Variants in GNG7 observed in about 807,000 individuals in gnomAD.
GNG7 encodes the protein G protein subunit gamma 7.
In GNG7, 1 loss-of-function variant was observed where a neutral mutation model predicts 4.0. The ratio of observed to expected loss-of-function variants is 0.25; its 90% CI spans 0.09 to 1.18. The LOEUF (loss-of-function observed/expected upper bound fraction) is 1.18, where lower values mean the gene tolerates loss of function less well. GNG7 is among the 50% of genes most tolerant of loss of function. The pLI is 0.50. For missense variants in GNG7, 86 were observed against 91.9 expected, an observed-to-expected ratio of 0.94 and a Z score of 0.26; for synonymous variants, 34 against 36.9, an observed-to-expected ratio of 0.92 and a Z score of 0.29.
At chr19:2,539,208 TTC>T (rs1302921435) in intron 3 of GNG7, among the ~76,000 whole-genome samples, 20 of 152,210 alleles carry the variant, frequency 1.3e-4, no homozygotes, top group Admixed American at 2.6e-4. Flanking sequence ...GCAGATTATC[TTC>T]TGTTTTTTCC....
intron 2 of GNG7, chr19:2,642,188 G>C (rs1310439864): frequency 1.2e-5 from 2 of 161,220 alleles, no homozygotes; most frequent in African/African-American, 4.8e-5. Flanking sequence ...CCCCACCATG[G>C]GACACGTGTT....
At position 2,646,216 on chromosome 19, in the gene GNG7, G is replaced by A. The variant is rs1205519859; in HGVS notation, c.-78+8C>T. 1 of 152,166 alleles carries A rather than the reference G, an allele frequency of 6.6e-6. No individual in the cohort carries two copies. The highest frequency in any genetic ancestry group is 2.4e-5 in the African/African-American group (1 of 41,424). 9.4% of individuals were successfully genotyped at this position (152,166 alleles called of 1,614,324 possible). A position where few individuals can be genotyped will look rare whatever the true frequency, so the allele number is the denominator to read the frequency against. On this transcript the variant is annotated splice_region_variant and intron_variant, in intron 2 of 4. Transcript: ENST00000382159. The stretch of plus-strand genomic sequence containing the variant: ...AATCATAACAAAGAAATGCATTACA[G>A]CACCGACCTGTGCAGGAGGTCTCGC...
intron 3 of GNG7, among the ~76,000 whole-genome samples, chr19:2,527,885 G>A (rs1010269922): frequency 6.6e-6 from 1 of 152,074 alleles, no homozygotes; most frequent in African/African-American, 2.4e-5. Context: ...CCCTTATCAG[G>A]AGAAATCCTG....
chr19:2,632,040 T>C (rs556862281), intron 2 of GNG7: 10 of 152,390 alleles, frequency 6.6e-5, no homozygotes, highest in African/African-American at 2.2e-4. Flanking sequence ...GACGGCCTGT[T>C]CTGCGGGGAC....
chr19:2,594,413 A>G (rs201163710), intron 2 of GNG7, among the ~76,000 whole-genome samples: 53 of 39,612 alleles, frequency 1.3e-3, no homozygotes, highest in Non-Finnish European at 4.4e-3. Flanking sequence ...GAGGGAAGGA[A>G]GGAAGGAAGG....
In GNG7 at chr19:2,633,378, G is replaced by A. The variant is rs1041027613; in HGVS notation, c.-78+12846C>T. 2.6e-5 allele frequency among the ~76,000 whole-genome samples: 4 copies of A among 152,230 alleles called. No homozygotes were observed. Among genetic ancestry groups the A allele is most frequent in the South Asian group, 2.1e-4 (1 of 4,820 alleles). On this transcript the variant is annotated intron_variant, in intron 2 of 4. Coordinates refer to ENST00000382159, the MANE Select transcript of GNG7 (RefSeq NM_052847.3). This position sits in a 1 kb window ranked among gnomAD's most constrained non-coding sequence, Gnocchi z 5.9. ...GCCGTGTGTATTTTGAGTCAAAGGC[G>A]GCCAAGGCTCGATGAATCTGCCGAT... is the stretch of plus-strand genomic sequence containing the variant.
At chr19:2,682,435 C>T (rs934829692) in intron 1 of GNG7, among the ~76,000 whole-genome samples, 1 of 151,382 alleles carries the variant, frequency 6.6e-6, no homozygotes, top group Non-Finnish European at 1.5e-5. Flanking sequence ...GAGGCCAAGG[C>T]GGGCGGATCA....
intron 2 of GNG7, among the ~76,000 whole-genome samples, chr19:2,571,314 T>A (rs1301796830): frequency 6.6e-6 from 1 of 152,180 alleles, no homozygotes; most frequent in Non-Finnish European, 1.5e-5. Context: ...AGGTGCTACC[T>A]GCTGATGCGA....
At chr19:2,683,917 G>A (rs995963962) in intron 1 of GNG7, among the ~76,000 whole-genome samples, 1 of 152,182 alleles carries the variant, frequency 6.6e-6, no homozygotes, top group African/African-American at 2.4e-5. Context: ...ATCGGCCAGA[G>A]GAGCTCAAAT....
chr19:2,598,178 G>A (rs1177769968), intron 2 of GNG7, among the ~76,000 whole-genome samples: 1 of 152,098 alleles, frequency 6.6e-6, no homozygotes, highest in Non-Finnish European at 1.5e-5. Flanking sequence ...CTCTACTACA[G>A]AGGAGGAAGC....
rs1401920188 is a variant in GNG7 at position 2,523,053 on chromosome 19, G to A, written c.-37-2328C>T. ...GGCTAATCTTTGTATTTTTGGTAGAGACATGGTTTTACCATGTTGGCCAGG... is the reference window on the plus strand; with the variant it reads ...GGCTAATCTTTGTATTTTTGGTAGAAACATGGTTTTACCATGTTGGCCAGG... On this transcript the variant is annotated intron_variant, in intron 3 of 4. Coordinates refer to ENST00000382159, the MANE Select transcript of GNG7 (RefSeq NM_052847.3). Among the ~76,000 whole-genome samples, 5 of 151,560 alleles carry A rather than the reference G, an allele frequency of 3.3e-5. No individual in the cohort carries two copies. In the East Asian group the frequency reaches 1.0e-3, roughly 31 times the overall value.
chr19:2,519,344 C>CG (rs1568229529), intron 4 of GNG7, among the ~76,000 whole-genome samples: 2 of 150,636 alleles, frequency 1.3e-5, no homozygotes, highest in African/African-American at 4.9e-5. Context: ...TTAGGAGAGA[C>CG]GGGGTTTCAC....
intron 2 of GNG7, among the ~76,000 whole-genome samples, chr19:2,619,146 G>GTC (rs1364634408): frequency 6.6e-6 from 1 of 152,170 alleles, no homozygotes. Flanking sequence ...ACAAATATCC[G>GTC]TAAGTAGAAG....
intron 2 of GNG7, among the ~76,000 whole-genome samples, chr19:2,607,273 T>G (rs998877763): frequency 6.8e-5 from 10 of 146,372 alleles, no homozygotes; most frequent in African/African-American, 2.5e-4. Context: ...ATCCCAGCAC[T>G]TTGGGAGGTC....
intron 4 of GNG7, 32 bp from the exon 5 acceptor site, chr19:2,515,179 G>A (rs1458596910): frequency 3.7e-6 from 6 of 1,611,506 alleles, no homozygotes; most frequent in Non-Finnish European, 5.1e-6. Context: ...AGACAGAGGA[G>A]ACATAAGAAG....
At chr19:2,679,586 A>T (rs1983679361) in intron 1 of GNG7, among the ~76,000 whole-genome samples, 1 of 152,144 alleles carries the variant, frequency 6.6e-6, no homozygotes, top group South Asian at 2.1e-4. Flanking sequence ...TAGGCATTCT[A>T]AATCCAATGC....
chr19:2,598,111 C>G (rs1981080541), intron 2 of GNG7, among the ~76,000 whole-genome samples: 1 of 152,134 alleles, frequency 6.6e-6, no homozygotes, highest in South Asian at 2.1e-4. Context: ...CCACTCGGCT[C>G]TGTCCATCAA....
At chr19:2,648,214 C>T (rs1474176937) in intron 1 of GNG7, among the ~76,000 whole-genome samples, 1 of 151,502 alleles carries the variant, frequency 6.6e-6, no homozygotes, top group Non-Finnish European at 1.5e-5. Flanking sequence ...TAGCAAGACC[C>T]CATCTGCCAT....
intron 2 of GNG7, chr19:2,643,821 A>G (rs938820888): frequency 5.5e-6 from 2 of 362,708 alleles, no homozygotes; most frequent in Non-Finnish European, 1.1e-5. Flanking sequence ...CATAATCTCA[A>G]TGGGACGCTG....
Sources: allele counts gnomAD v4.1 joint callset (sites outside exome capture counted in the v4.1 genomes callset), GRCh38; gene constraint gnomAD v4.1.1; non-coding constraint Gnocchi (gnomAD v3.1); transcripts MANE v1.5; gene names NCBI Gene and HGNC (gene_info 2026-07-23, HGNC 2026-07-21).